The following DPP10 variants were observed in gnomAD, a reference collection of about 807,000 sequenced individuals.
DPP10 encodes inactive dipeptidyl peptidase 10.
DPP10 carries 33 observed loss-of-function variants against 120.9 expected under a neutral mutation model. The observed-to-expected ratio is 0.27, with a 90% confidence interval of 0.21 to 0.37. The LOEUF (loss-of-function observed/expected upper bound fraction) is 0.37, where lower values mean the gene tolerates loss of function less well. Ranked by LOEUF, DPP10 falls within the 10% of genes least tolerant of loss-of-function variation. The probability of loss-of-function intolerance (pLI) is 1.00; values close to 1 mark genes in which losing one functional copy is unlikely to be tolerated. For synonymous variants in DPP10, 337 were observed against 326.1 expected (o/e 1.03, Z -0.36); for missense variants, 816 against 942.8 (o/e 0.87, Z 1.76).
At chr2:114,546,213 G>A (rs1156690819) in intron 1 of DPP10, among the ~76,000 whole-genome samples, 1 of 152,136 alleles carries the variant, frequency 6.6e-6, no homozygotes, top group Non-Finnish European at 1.5e-5. Flanking sequence ...CGTGCAGGAA[G>A]CATGATGCTG....
intron 10 of DPP10, among the ~76,000 whole-genome samples, chr2:115,749,003 C>G (rs1678367109): frequency 6.6e-6 from 1 of 152,118 alleles, no homozygotes; most frequent in East Asian, 1.9e-4. Context: ...GAATCACAGT[C>G]TGTATTGATT....
At chr2:114,926,409 T>C (rs1276003566) in intron 1 of DPP10, among the ~76,000 whole-genome samples, 1 of 152,200 alleles carries the variant, frequency 6.6e-6, no homozygotes, top group Non-Finnish European at 1.5e-5. Flanking sequence ...AGTGCTTATG[T>C]TCCAGTCCTT....
At chr2:115,661,812 C>T (rs1251742706) in intron 5 of DPP10, among the ~76,000 whole-genome samples, 1 of 152,176 alleles carries the variant, frequency 6.6e-6, no homozygotes, top group Non-Finnish European at 1.5e-5. Flanking sequence ...CACTCAATTA[C>T]CACAATTAAG....
chr2:114,976,982 A>G (rs1699794491), intron 1 of DPP10, among the ~76,000 whole-genome samples: 1 of 151,534 alleles, frequency 6.6e-6, no homozygotes, highest in Non-Finnish European at 1.5e-5. Context: ...CTTCACATTC[A>G]CTCTGATTAA....
chr2:115,455,392 C>T (rs546616472), intron 3 of DPP10, among the ~76,000 whole-genome samples: 1 of 151,994 alleles, frequency 6.6e-6, no homozygotes, highest in Non-Finnish European at 1.5e-5. Flanking sequence ...CCATACTGCC[C>T]AAATTGATTT....
chr2:114,616,652 T>C (rs1196513148), intron 1 of DPP10, among the ~76,000 whole-genome samples: 1 of 152,086 alleles, frequency 6.6e-6, no homozygotes, highest in Non-Finnish European at 1.5e-5. Flanking sequence ...AGCTGGTTAA[T>C]AAAACATCTT....
chr2:115,640,330 G>A (rs1056276727), intron 5 of DPP10, among the ~76,000 whole-genome samples: 5 of 23,540 alleles, frequency 2.1e-4, no homozygotes, highest in Middle Eastern at 0.017. Context: ...CTTCACACTC[G>A]CTTTGTTTTC....
At chr2:114,739,705 G>C (rs1677833896) in intron 1 of DPP10, among the ~76,000 whole-genome samples, 2 of 152,034 alleles carry the variant, frequency 1.3e-5, no homozygotes, top group East Asian at 1.9e-4. Flanking sequence ...TTACCTGCCA[G>C]GCATTCATTT....
At chr2:115,280,548 C>T (rs1244166932) in intron 1 of DPP10, among the ~76,000 whole-genome samples, 1 of 152,144 alleles carries the variant, frequency 6.6e-6, no homozygotes, top group Non-Finnish European at 1.5e-5. Context: ...TCATAGTCAT[C>T]CAATAGTTTG....
At chr2:114,608,841 G>T (rs1262065218) in intron 1 of DPP10, among the ~76,000 whole-genome samples, 1 of 152,084 alleles carries the variant, frequency 6.6e-6, no homozygotes, top group African/African-American at 2.4e-5. Context: ...TAAATATTGG[G>T]TAGTTAGGGC....
intron 1 of DPP10, among the ~76,000 whole-genome samples, chr2:115,194,277 T>A (rs936222048): frequency 6.6e-6 from 1 of 151,950 alleles, no homozygotes; most frequent in Non-Finnish European, 1.5e-5. Context: ...CGAGCTAGAG[T>A]GCAATGGCGT....
chr2:115,389,191 C>T (rs1276946872), intron 3 of DPP10, among the ~76,000 whole-genome samples: 1 of 151,916 alleles, frequency 6.6e-6, no homozygotes, highest in Non-Finnish European at 1.5e-5. Flanking sequence ...AAAATGTTGA[C>T]AGAACAAACA....
intron 1 of DPP10, among the ~76,000 whole-genome samples, chr2:114,560,103 T>G (rs1688648302): frequency 6.6e-6 from 1 of 152,188 alleles, no homozygotes; most frequent in African/African-American, 2.4e-5. Flanking sequence ...TAGGAAATTT[T>G]GGTTCCAATA....
At chr2:114,834,851 A>G (rs142008636) in intron 1 of DPP10, among the ~76,000 whole-genome samples, 1,574 of 116,666 alleles carry the variant, frequency 0.013, 209 homozygotes, top group African/African-American at 0.087. Context: ...CCATGTCTAC[A>G]CACCTATGTA....
chr2:115,496,847 C>T (rs2076421134), intron 3 of DPP10, among the ~76,000 whole-genome samples: 1 of 151,862 alleles, frequency 6.6e-6, no homozygotes, highest in Non-Finnish European at 1.5e-5. Context: ...AATGAGTTTC[C>T]CTGAAGTCTT....
At chr2:115,050,565 A>G (rs564345012) in intron 1 of DPP10, among the ~76,000 whole-genome samples, 6 of 152,158 alleles carry the variant, frequency 3.9e-5, no homozygotes, top group Non-Finnish European at 7.3e-5. Flanking sequence ...GCAAAAAAAA[A>G]TAGATTAATT....
In DPP10 at chr2:114,886,989, A is replaced by G. The variant is rs1419886078; in HGVS notation, c.61-422250A>G. 2.0e-5 allele frequency among the ~76,000 whole-genome samples: 3 copies of G among 152,112 alleles called. No individual in the cohort carries two copies. In the East Asian group the frequency reaches 5.8e-4, roughly 29 times the overall value. ...CATGTTCTCTCCATTAGTGTGAATT[A>G]TTTGTTATATTTTGCTTTAATTGCC... On this transcript the variant is annotated intron_variant, in intron 1 of 25. Coordinates refer to ENST00000410059, the MANE Select transcript of DPP10 (RefSeq NM_020868.6).
chr2:115,655,360 A>G lies in DPP10; in HGVS notation c.442-34327A>G, dbSNP rs866431063. Among the ~76,000 whole-genome samples, 38 of 151,868 alleles carry G rather than the reference A, an allele frequency of 2.5e-4. No homozygotes were observed. The Middle Eastern group carries it at 0.014, about 54-fold the overall frequency. ...TGATGCTGTATGTCTAAAAGCACTC[A>G]TGAATACCTAGTGCACATGTGTCAA... On this transcript the variant is annotated intron_variant, in intron 5 of 25. Coordinates refer to ENST00000410059, the MANE Select transcript of DPP10 (RefSeq NM_020868.6).
intron 1 of DPP10, among the ~76,000 whole-genome samples, chr2:114,537,356 A>G (rs1029690897): frequency 6.6e-5 from 10 of 152,192 alleles, no homozygotes; most frequent in African/African-American, 2.2e-4. Context: ...TCGGAAGGAT[A>G]GGAATTCATG....
Sources: gnomAD v4.1 joint callset for allele counts (sites outside exome capture counted in the v4.1 genomes callset) on GRCh38, gnomAD v4.1.1 for gene constraint, MANE v1.5 for transcripts, NCBI Gene and HGNC (gene_info 2026-07-23, HGNC 2026-07-21) for gene names.